IL1RAPL2: variants seen among roughly 807,000 people sequenced by gnomAD.
IL1RAPL2 encodes the protein interleukin 1 receptor accessory protein like 2.
IL1RAPL2 carries 3 observed loss-of-function variants against 44.1 expected under a neutral mutation model. The ratio of observed to expected loss-of-function variants is 0.07; its 90% CI spans 0.03 to 0.18. The LOEUF is 0.18. Among genes scored for constraint, IL1RAPL2 ranks in the 10% least tolerant of loss-of-function variants. The pLI is 1.00. For synonymous variants in IL1RAPL2, 181 were observed against 178.8 expected, an observed-to-expected ratio of 1.01 and a Z score of -0.10; for missense variants, 391 against 496.4, an observed-to-expected ratio of 0.79 and a Z score of 2.02.
chrX:104,608,662 C>CTTTTTTTTTTTTTTTTT (rs60105376), intron 1 of IL1RAPL2, among the ~76,000 whole-genome samples: 3 of 58,529 alleles, frequency 5.1e-5, no homozygotes, highest in Admixed American at 2.1e-4. Context: ...GCAACCCCTG[C>CTTTTTTTTTTTTTTTTT]TTTTTTTTTT....
At chrX:104,650,398 G>A (rs146089753) in intron 1 of IL1RAPL2, among the ~76,000 whole-genome samples, 1,311 of 110,619 alleles carry the variant, frequency 0.012, 17 homozygotes, top group African/African-American at 0.041. Flanking sequence ...GGAGTAACTC[G>A]AGCTGCTTCT....
At chrX:104,862,947 G>A (rs992517107) in intron 2 of IL1RAPL2, among the ~76,000 whole-genome samples, 18 of 111,377 alleles carry the variant, frequency 1.6e-4, no homozygotes, top group African/African-American at 4.9e-4. Flanking sequence ...CTAGAAACAG[G>A]AAGACCAGTT....
Position 105,209,352 on chromosome X carries a change from TC to T in IL1RAPL2, c.356+13605del, listed in dbSNP as rs1227292599. Among the ~76,000 whole-genome samples the T allele has an allele frequency of 2.7e-5, 3 of 111,953 alleles. No homozygotes were observed. The East Asian group carries it at 8.4e-4, about 31-fold the overall frequency. ...GACTTCCTGGCATGTGGATGGGTGA[TC>T]AGAAAAAAAGAGGTCAATGAAGGCT... On this transcript the variant is annotated intron_variant, in intron 3 of 10. Coordinates refer to ENST00000372582, the MANE Select transcript of IL1RAPL2 (RefSeq NM_017416.2).
intron 5 of IL1RAPL2, among the ~76,000 whole-genome samples, chrX:105,439,488 G>C (rs756213844): frequency 3.8e-5 from 3 of 78,530 alleles, no homozygotes; most frequent in Non-Finnish European, 6.7e-5. Context: ...GCCCAAGACC[G>C]TTCCCTTTAC....
intron 1 of IL1RAPL2, 102 bp from the exon 2 acceptor site, chrX:104,658,793 G>T: frequency 1.9e-6 from 1 of 525,931 alleles, no homozygotes; most frequent in East Asian, 3.6e-5. Context: ...GATTGTCATT[G>T]TTTCTCTAAT....
At chrX:104,878,468 A>C (rs929038777) in intron 2 of IL1RAPL2, among the ~76,000 whole-genome samples, 5 of 112,172 alleles carry the variant, frequency 4.5e-5, no homozygotes, top group African/African-American at 1.6e-4. Flanking sequence ...AGGAAAGTTA[A>C]ATAGATTGCT....
intron 2 of IL1RAPL2, among the ~76,000 whole-genome samples, chrX:104,898,770 C>A (rs1023161063): frequency 3.6e-5 from 4 of 112,000 alleles, no homozygotes; most frequent in Admixed American, 2.8e-4. Context: ...TCTTTTGTTT[C>A]TTTTATTTTT....
chrX:104,987,921 G>A (rs2030591584), intron 2 of IL1RAPL2, among the ~76,000 whole-genome samples: 1 of 111,595 alleles, frequency 9.0e-6, no homozygotes, highest in South Asian at 3.8e-4. Context: ...ACTGTTAGTG[G>A]AAATTTTCAG....
intron 6 of IL1RAPL2, among the ~76,000 whole-genome samples, chrX:105,566,278 T>C (rs929219139): frequency 1.8e-5 from 2 of 111,005 alleles, no homozygotes; most frequent in Admixed American, 9.6e-5. Flanking sequence ...CAAGAGTTGG[T>C]GGAAGAGGAC....
intron 1 of IL1RAPL2, among the ~76,000 whole-genome samples, chrX:104,577,569 G>T (rs1174888985): frequency 8.9e-6 from 1 of 111,846 alleles, no homozygotes; most frequent in South Asian, 3.8e-4. Context: ...GGACTGATAA[G>T]TAAGGTAAAA....
intron 8 of IL1RAPL2, among the ~76,000 whole-genome samples, chrX:105,746,688 GA>G (rs1256376880): frequency 9.0e-6 from 1 of 111,716 alleles, no homozygotes; most frequent in East Asian, 2.8e-4. Context: ...ATTTACTGCT[GA>G]AAAAATATCT....
intron 2 of IL1RAPL2, among the ~76,000 whole-genome samples, chrX:104,797,796 G>A (rs1279731754): frequency 1.8e-5 from 2 of 112,092 alleles, no homozygotes; most frequent in Non-Finnish European, 3.8e-5. Flanking sequence ...TAGAATCAGG[G>A]CGGTGATGTT....
At position 104,739,460 on chromosome X, in the gene IL1RAPL2, C is replaced by T. The variant is rs538441748; in HGVS notation, c.82+80465C>T. On this transcript the variant is annotated intron_variant, in intron 2 of 10. Transcript: ENST00000372582. ...CATTGGTTTTGATTTATAATAACTG[C>T]GTAAGGAGTGTGGTCTGGGCATCAG... is the stretch of plus-strand genomic sequence containing the variant. 1.8e-4 allele frequency among the ~76,000 whole-genome samples: 20 copies of T among 111,904 alleles called. No homozygotes were observed. In the South Asian group the frequency reaches 4.1e-3, roughly 23 times the overall value.
At chrX:105,766,939 C>T in intron 10 of IL1RAPL2, 25 bp from the exon 11 acceptor site, 1 of 1,109,064 alleles carries the variant, frequency 9.0e-7, no homozygotes, top group Non-Finnish European at 1.2e-6. Flanking sequence ...TTGTTTTACT[C>T]TTTCTCTCTT....
chrX:105,160,125 C>G (rs969311338), intron 2 of IL1RAPL2, among the ~76,000 whole-genome samples: 1 of 110,060 alleles, frequency 9.1e-6, no homozygotes, highest in African/African-American at 3.3e-5. Context: ...CACTAGAGCT[C>G]AAAGAAAGCC....
At chrX:104,895,717 G>A (rs1002272819) in intron 2 of IL1RAPL2, among the ~76,000 whole-genome samples, 1 of 111,823 alleles carries the variant, frequency 8.9e-6, no homozygotes, top group African/African-American at 3.3e-5. Flanking sequence ...AGAATTCCCT[G>A]ACCCCTTGTT....
chrX:105,356,040 A>C (rs2035199805), intron 5 of IL1RAPL2, among the ~76,000 whole-genome samples: 1 of 111,380 alleles, frequency 9.0e-6, no homozygotes, highest in African/African-American at 3.3e-5. Flanking sequence ...GGTTTCATCA[A>C]GGTTAAATAC....
intron 2 of IL1RAPL2, among the ~76,000 whole-genome samples, chrX:104,794,971 T>G (rs1365624269): frequency 2.7e-5 from 3 of 111,906 alleles, no homozygotes; most frequent in Admixed American, 9.5e-5. Flanking sequence ...GGGCCATTTT[T>G]TATGAACCTC....
At chrX:105,649,854 G>A (rs894628113) in intron 6 of IL1RAPL2, among the ~76,000 whole-genome samples, 1 of 111,717 alleles carries the variant, frequency 9.0e-6, no homozygotes. Flanking sequence ...GCACTTAGGG[G>A]TGCAATTGGG....
Sources: gnomAD v4.1 joint callset for allele counts (sites outside exome capture counted in the v4.1 genomes callset) on GRCh38, gnomAD v4.1.1 for gene constraint, MANE v1.5 for transcripts, NCBI Gene and HGNC (gene_info 2026-07-23, HGNC 2026-07-21) for gene names.